Variants in USP13 observed in about 807,000 individuals in gnomAD.
The protein encoded by USP13 is ubiquitin carboxyl-terminal hydrolase 13.
In USP13, 68 loss-of-function variants were observed where a neutral mutation model predicts 107.8. The ratio of observed to expected loss-of-function variants is 0.63; its 90% CI spans 0.52 to 0.77. The LOEUF (loss-of-function observed/expected upper bound fraction) is 0.77. Ranked by LOEUF, USP13 falls within the 30% of genes least tolerant of loss-of-function variation. USP13 has a pLI of 0.00. For synonymous variants in USP13, 377 were observed against 389.5 expected, an observed-to-expected ratio of 0.97 and a Z score of 0.38; for missense variants, 945 against 1,093.3, an observed-to-expected ratio of 0.86 and a Z score of 1.91.
intron 2 of USP13, among the ~76,000 whole-genome samples, chr3:179,689,689 C>T (rs774028824): frequency 1.5e-4 from 23 of 151,800 alleles, no homozygotes; most frequent in Non-Finnish European, 2.6e-4. Context: ...AGAAAATACA[C>T]GATGCTTACG....
intron 2 of USP13, among the ~76,000 whole-genome samples, chr3:179,687,140 C>T (rs1359867685): frequency 6.6e-6 from 1 of 152,168 alleles, no homozygotes; most frequent in Non-Finnish European, 1.5e-5. Flanking sequence ...TTTTCTACTC[C>T]AGCATTTCAT....
At chr3:179,735,022 G>T (rs150482522) in intron 10 of USP13, among the ~76,000 whole-genome samples, 1 of 152,312 alleles carries the variant, frequency 6.6e-6, no homozygotes, top group African/African-American at 2.4e-5. Context: ...AACACTGAAG[G>T]CCTCCCTCTA....
chr3:179,771,939 C>G (rs1026245437), intron 19 of USP13, among the ~76,000 whole-genome samples: 2 of 152,210 alleles, frequency 1.3e-5, no homozygotes, highest in Non-Finnish European at 2.9e-5. Flanking sequence ...TTCCTGAATG[C>G]CTCCTCTGTG....
chr3:179,775,328 G>A (rs1441407679), intron 19 of USP13, among the ~76,000 whole-genome samples: 1 of 152,138 alleles, frequency 6.6e-6, no homozygotes, highest in Non-Finnish European at 1.5e-5. Context: ...GCTAGACACA[G>A]AGTACTGATC....
chr3:179,703,135 A>G (rs956632440), intron 4 of USP13, among the ~76,000 whole-genome samples: 3 of 152,232 alleles, frequency 2.0e-5, no homozygotes, highest in Non-Finnish European at 2.9e-5. Context: ...TAGTATTAAG[A>G]AATACTTTAA....
At chr3:179,738,008 G>A (rs17195948) in intron 10 of USP13, among the ~76,000 whole-genome samples, 6,079 of 152,276 alleles carry the variant, frequency 0.04, 144 homozygotes, top group Non-Finnish European at 0.057. Flanking sequence ...CCTCTTTGTC[G>A]CAGGGAGATA....
chr3:179,683,533 CTTACG>C (rs1711750291), intron 2 of USP13, among the ~76,000 whole-genome samples: 1 of 152,144 alleles, frequency 6.6e-6, no homozygotes, highest in East Asian at 1.9e-4. Context: ...CAAGTCACAT[CTTACG>C]TGGATGGTAG....
chr3:179,675,940 C>T (rs926441348), intron 1 of USP13, among the ~76,000 whole-genome samples: 1 of 151,998 alleles, frequency 6.6e-6, no homozygotes, highest in African/African-American at 2.4e-5. Context: ...TGGCTGTGTC[C>T]CCACCCAAAT....
intron 1 of USP13, among the ~76,000 whole-genome samples, chr3:179,674,303 G>A (rs766837093): frequency 2.0e-5 from 3 of 152,200 alleles, no homozygotes; most frequent in Non-Finnish European, 4.4e-5. Context: ...AACTTAAGGT[G>A]TGTGGTGAGT....
intron 19 of USP13, among the ~76,000 whole-genome samples, chr3:179,768,189 G>A (rs987353707): frequency 6.6e-6 from 1 of 152,212 alleles, no homozygotes; most frequent in Non-Finnish European, 1.5e-5. Context: ...AGTCCCTGCG[G>A]AAGGAATTAA....
At chr3:179,654,213 CA>C (rs61231956) in intron 1 of USP13, among the ~76,000 whole-genome samples, 110 of 105,476 alleles carry the variant, frequency 1.0e-3, no homozygotes, top group African/African-American at 2.5e-3. Flanking sequence ...GACTCCGTCT[CA>C]AAAAAAAAAA....
intron 2 of USP13, among the ~76,000 whole-genome samples, chr3:179,688,099 G>GTCCATCCATCCATCCATCCA (rs763601246): frequency 0.021 from 3,002 of 140,598 alleles, 59 homozygotes; most frequent in East Asian, 0.027. Context: ...CCATCCATCC[G>GTCCATCCATCCATCCATCCA]TCCATCCATC....
At chr3:179,760,736 C>CT (rs993136396) in intron 16 of USP13, among the ~76,000 whole-genome samples, 3 of 152,148 alleles carry the variant, frequency 2.0e-5, no homozygotes, top group African/African-American at 7.2e-5. Flanking sequence ...AAGGAACAGG[C>CT]TTTTAGGCCT....
chr3:179,763,573 C>G (rs1037937497), intron 17 of USP13, among the ~76,000 whole-genome samples: 5 of 152,148 alleles, frequency 3.3e-5, no homozygotes, highest in African/African-American at 1.2e-4. Flanking sequence ...ATATGTCTGC[C>G]TATATACCAG....
chr3:179,708,374 TCGGC>T (rs754480189), intron 5 of USP13, among the ~76,000 whole-genome samples: 2 of 151,734 alleles, frequency 1.3e-5, no homozygotes, highest in Non-Finnish European at 2.9e-5. Flanking sequence ...TGGCACAATC[TCGGC>T]CCACTGCAAC....
At chr3:179,695,773 G>A (rs1288054563) in intron 3 of USP13, among the ~76,000 whole-genome samples, 1 of 151,904 alleles carries the variant, frequency 6.6e-6, no homozygotes, top group African/African-American at 2.4e-5. Context: ...GTACATCTTT[G>A]TATATATTGT....
At chr3:179,691,322 T>G (rs368779270) in intron 3 of USP13, among the ~76,000 whole-genome samples, 15 of 152,238 alleles carry the variant, frequency 9.9e-5, no homozygotes, top group Admixed American at 8.5e-4. Flanking sequence ...TCAGTTGTCA[T>G]GTTTCTTTAA....
At position 179,721,105 on chromosome 3, in the gene USP13, G is replaced by A. The variant is rs548566248; in HGVS notation, c.901-297G>A. On this transcript the variant is annotated intron_variant, in intron 7 of 20. Transcript: ENST00000263966. The surrounding 1 kb of genome is among the most constrained non-coding windows in gnomAD (Gnocchi z 4.3). ...ATTACAGGTGTGAACCGCTGCGCCCGGCCTCTCTTTAAAATCTTTTTCATG... is the reference window on the plus strand; with the variant it reads ...ATTACAGGTGTGAACCGCTGCGCCCAGCCTCTCTTTAAAATCTTTTTCATG... Among the ~76,000 whole-genome samples, 6 of 152,110 alleles carry A rather than the reference G, an allele frequency of 3.9e-5. No homozygotes were observed. In the East Asian group the frequency reaches 5.8e-4, roughly 15 times the overall value.
At chr3:179,712,077 G>GCAGT (rs1436610811) in intron 6 of USP13, among the ~76,000 whole-genome samples, 3 of 152,150 alleles carry the variant, frequency 2.0e-5, no homozygotes, top group Non-Finnish European at 4.4e-5. Context: ...TGCCATATAT[G>GCAGT]CAGTCCATTG....
Sources: gnomAD v4.1 joint callset for allele counts (sites outside exome capture counted in the v4.1 genomes callset) on GRCh38, gnomAD v4.1.1 for gene constraint, Gnocchi (gnomAD v3.1) non-coding constraint, MANE v1.5 for transcripts, NCBI Gene and HGNC (gene_info 2026-07-23, HGNC 2026-07-21) for gene names.